Variants in LPAR6 observed in about 807,000 individuals in gnomAD.
LPAR6 encodes G-protein coupled purinergic receptor P2Y5.
Under a neutral mutation model 22.0 loss-of-function variants are expected in LPAR6, and 17 were observed. The observed-to-expected ratio is 0.77, with a 90% confidence interval of 0.53 to 1.16. The LOEUF (loss-of-function observed/expected upper bound fraction) is 1.16, where lower values mean the gene tolerates loss of function less well. Among genes scored for constraint, LPAR6 ranks in the 50% most tolerant of loss-of-function variants. The probability of loss-of-function intolerance (pLI) is 0.00; values close to 1 mark genes in which losing one functional copy is unlikely to be tolerated. For synonymous variants in LPAR6, 136 were observed against 139.8 expected (o/e 0.97, Z 0.19); for missense variants, 384 against 406.9 (o/e 0.94, Z 0.48).
At chr13:48,437,588 G>A (rs768468326) in intron 1 of LPAR6, among the ~76,000 whole-genome samples, 8 of 152,148 alleles carry the variant, frequency 5.3e-5, no homozygotes, top group Admixed American at 1.3e-4. Flanking sequence ...AAGTTCACTC[G>A]TGTGGTTGTT....
At position 48,441,839 on chromosome 13, in the gene LPAR6, G is replaced by A. The variant is rs4151575; in HGVS notation, c.-1474+2714C>T. On this transcript the variant is annotated intron_variant, in intron 1 of 6. Transcript: ENST00000378434. ...TGTGGTATAGAGATCCTAGTTAAGA[G>A]GCAGGAATTATTTAAAAATGACTTT... Among the ~76,000 whole-genome samples the A allele has an allele frequency of 4.0e-3, 611 of 152,138 alleles. 2 individuals are homozygous for A. Among genetic ancestry groups the A allele is most frequent in the Non-Finnish European group, 7.0e-3 (473 of 67,998 alleles).
upstream of LPAR6, chr13:48,417,087 C>T (rs1164181107): frequency 1.3e-5 from 2 of 152,432 alleles, no homozygotes; most frequent in African/African-American, 4.8e-5. Flanking sequence ...AAGGGACAGA[C>T]TGCCTCCTCA....
At chr13:48,432,428 T>G (rs557492769) in intron 1 of LPAR6, among the ~76,000 whole-genome samples, 14 of 138,426 alleles carry the variant, frequency 1.0e-4, no homozygotes, top group Middle Eastern at 3.6e-3. Flanking sequence ...TGTTTTTTTG[T>G]TTTTTTTTTT....
chr13:48,416,913 C>T (rs1401239775), upstream of LPAR6, among the ~76,000 whole-genome samples: 1 of 152,184 alleles, frequency 6.6e-6, no homozygotes, highest in African/African-American at 2.4e-5. Context: ...GGCAGCAGCC[C>T]CAGTCAGGGG....
intron 1 of LPAR6, among the ~76,000 whole-genome samples, chr13:48,441,172 C>T (rs1949232718): frequency 6.6e-6 from 1 of 152,106 alleles, no homozygotes; most frequent in Non-Finnish European, 1.5e-5. Flanking sequence ...TGATATCTGG[C>T]GGAGGCCTGT....
upstream of LPAR6, among the ~76,000 whole-genome samples, chr13:48,417,809 G>T (rs947427253): frequency 1.3e-5 from 2 of 152,168 alleles, no homozygotes; most frequent in African/African-American, 2.4e-5. Flanking sequence ...GAAATAAAGT[G>T]TGAAGACAAG....
intron 1 of LPAR6, among the ~76,000 whole-genome samples, chr13:48,394,411 C>A (rs960166981): frequency 6.6e-6 from 1 of 152,188 alleles, no homozygotes; most frequent in South Asian, 2.1e-4. Context: ...GAACCATTCA[C>A]TCCCCCGGAA....
At chr13:48,395,761 G>A (rs751724625) in intron 1 of LPAR6, among the ~76,000 whole-genome samples, 3 of 152,186 alleles carry the variant, frequency 2.0e-5, no homozygotes, top group African/African-American at 2.4e-5. Context: ...TTTGATTGGT[G>A]TACCTGAAAG....
chr13:48,439,121 C>T (rs570299598), intron 1 of LPAR6, among the ~76,000 whole-genome samples: 26 of 152,246 alleles, frequency 1.7e-4, no homozygotes, highest in Admixed American at 1.1e-3. Context: ...TAGCAGCTAA[C>T]GGCACAAGTT....
chr13:48,414,879 G>A (rs1352226350), upstream of LPAR6, among the ~76,000 whole-genome samples: 1 of 152,122 alleles, frequency 6.6e-6, no homozygotes, highest in African/African-American at 2.4e-5. Flanking sequence ...GTATGTGTGT[G>A]TTCTTATTAG....
In LPAR6 at chr13:48,411,503, C is replaced by T; in HGVS notation, c.921G>A (p.Trp307Ter). The change falls in exon 1 of 1, where the codon TGG becomes TGA. Residue 307 changes from tryptophan (W) to a stop codon, truncating the protein, a stop_gained. Transcript: ENST00000620633. LOFTEE classifies it high-confidence loss of function. ...TIQNSIKMKN[W>*]SVRRSDFRFS... ...ATCTGAAGTCACTTCTCCTGACAGACCAGTTTTTCATTTTTATTGAATTCT... is the reference window on the plus strand; with the variant it reads ...ATCTGAAGTCACTTCTCCTGACAGATCAGTTTTTCATTTTTATTGAATTCT... The T allele has an allele frequency of 6.2e-7, 1 of 1,612,596 alleles. No homozygotes were observed. The highest frequency in any genetic ancestry group is 8.5e-7 in the Non-Finnish European group (1 of 1,179,210).
At chr13:48,421,758 T>C (rs1293329015) in intron 2 of LPAR6, among the ~76,000 whole-genome samples, 1 of 152,108 alleles carries the variant, frequency 6.6e-6, no homozygotes, top group Non-Finnish European at 1.5e-5. Context: ...CCAACAAGCA[T>C]ATGAACAAAA....
intron 1 of LPAR6, among the ~76,000 whole-genome samples, chr13:48,443,880 A>T (rs1949261941): frequency 1.3e-5 from 2 of 152,188 alleles, no homozygotes; most frequent in Non-Finnish European, 2.9e-5. Flanking sequence ...TGAAATAAAA[A>T]CCCAGAACAT....
At chr13:48,439,781 T>C (rs943122830) in intron 1 of LPAR6, 1 of 152,148 alleles carries the variant, frequency 6.6e-6, no homozygotes, top group East Asian at 1.9e-4. Flanking sequence ...AAATAGGCTT[T>C]GGGGAAGGTT....
chr13:48,429,834 C>A (rs991907181), upstream of LPAR6, among the ~76,000 whole-genome samples: 6 of 151,896 alleles, frequency 4.0e-5, no homozygotes, highest in African/African-American at 1.5e-4. Context: ...TACAAAATAC[C>A]TTAGGAATAA....
At chr13:48,389,693 T>TC (rs1218005559) in exon 2 of LPAR6, 2 of 152,240 alleles carry the variant, frequency 1.3e-5, no homozygotes, top group African/African-American at 4.8e-5. Flanking sequence ...AGGGTCCACT[T>TC]CCAAGATGCT....
Position 48,440,514 on chromosome 13 carries a change from A to G in LPAR6, c.-1474+4039T>C, listed in dbSNP as rs555143379. On this transcript the variant is annotated intron_variant, in intron 1 of 6. Coordinates refer to the LPAR6 transcript ENST00000378434. Reference sequence around the variant, plus strand: ...GCATAGCCTGATGGGCACATGATCCAAAGTTTAATTTTTTGGTTGAAATTT... The same window carrying G: ...GCATAGCCTGATGGGCACATGATCCGAAGTTTAATTTTTTGGTTGAAATTT... 7.9e-5 allele frequency among the ~76,000 whole-genome samples: 12 copies of G among 152,320 alleles called. No homozygotes were observed. The South Asian group carries it at 1.2e-3, about 16-fold the overall frequency.
At chr13:48,393,427 GA>G (rs1318079501) in intron 1 of LPAR6, among the ~76,000 whole-genome samples, 2 of 152,164 alleles carry the variant, frequency 1.3e-5, no homozygotes, top group Non-Finnish European at 2.9e-5. Flanking sequence ...TGGCAATAAT[GA>G]GGCTCACCAT....
chr13:48,422,206 T>C (rs1373414080), intron 2 of LPAR6, among the ~76,000 whole-genome samples: 1 of 152,224 alleles, frequency 6.6e-6, no homozygotes, highest in Non-Finnish European at 1.5e-5. Flanking sequence ...GATGAGTTCA[T>C]GTCCTTTGCA....
Sources: gnomAD v4.1 joint callset for allele counts (sites outside exome capture counted in the v4.1 genomes callset) on GRCh38, gnomAD v4.1.1 for gene constraint, MANE v1.5 for transcripts, NCBI Gene and HGNC (gene_info 2026-07-23, HGNC 2026-07-21) for gene names.